The following TTC28 variants were observed in gnomAD, a reference collection of about 807,000 sequenced individuals.
TTC28 encodes the protein tetratricopeptide repeat protein 28.
In TTC28, 61 loss-of-function variants were observed where a neutral mutation model predicts 198.0. The observed-to-expected ratio is 0.31, with a 90% CI of 0.25 to 0.38. TTC28 has a LOEUF of 0.38. Ranked by LOEUF, TTC28 falls within the 10% of genes least tolerant of loss-of-function variation. TTC28 has a pLI of 1.00. For missense variants in TTC28, 2,678 were observed against 3,164.0 expected (o/e 0.85, Z 3.69); for synonymous variants, 1,171 against 1,297.8 (o/e 0.90, Z 2.10).
chr22:28,651,318 T>C (rs1257084840), intron 1 of TTC28, among the ~76,000 whole-genome samples: 1 of 150,204 alleles, frequency 6.7e-6, no homozygotes, highest in Admixed American at 6.6e-5. Flanking sequence ...CTCCTTTTTT[T>C]TGAGACAGGG....
chr22:28,250,317 TTGTTA>T (rs768527655), intron 5 of TTC28, among the ~76,000 whole-genome samples: 20 of 152,344 alleles, frequency 1.3e-4, no homozygotes, highest in Middle Eastern at 3.4e-3. Context: ...ATTTATCCAT[TTGTTA>T]TATTTCAAAA....
intron 2 of TTC28, among the ~76,000 whole-genome samples, chr22:28,537,306 A>ATAACATAACATAAC (rs1373694815): frequency 1.7e-5 from 2 of 121,044 alleles, no homozygotes; most frequent in Non-Finnish European, 3.9e-5. Context: ...AATAAAATAA[A>ATAACATAACATAAC]ATAAAATAAA....
At chr22:28,162,830 G>A (rs530097432) in intron 6 of TTC28, among the ~76,000 whole-genome samples, 9 of 152,230 alleles carry the variant, frequency 5.9e-5, no homozygotes, top group East Asian at 1.9e-4. Flanking sequence ...TGTGCCTGTC[G>A]TCCCAGCTAC....
intron 3 of TTC28, among the ~76,000 whole-genome samples, chr22:28,298,080 C>G (rs145659662): frequency 6.6e-6 from 1 of 152,120 alleles, no homozygotes; most frequent in African/African-American, 2.4e-5. Context: ...TATGTCTTAT[C>G]CTTTCTTTTG....
At chr22:28,327,273 A>T (rs1028817445) in intron 2 of TTC28, among the ~76,000 whole-genome samples, 1 of 152,156 alleles carries the variant, frequency 6.6e-6, no homozygotes, top group Admixed American at 6.6e-5. Context: ...ATGTATTTGT[A>T]ACCCCAATTC....
chr22:27,992,644 G>A lies in TTC28; in HGVS notation c.5496C>T (p.Leu1832=). 6.4e-7 allele frequency: 1 copy of A among 1,551,698 alleles called. No individual in the cohort carries two copies. The highest frequency in any genetic ancestry group is 8.7e-7 in the Non-Finnish European group (1 of 1,146,992). The change falls in exon 19 of 23, where the codon CTC becomes CTT. Residue 1832 remains leucine (L), a synonymous_variant. Transcript: ENST00000397906. Reference sequence around the variant, plus strand: ...CAGTGATGAGTTTGCAAAGGGCTTGGAGGGCAGGATTGGGCAGACCTAAAC... The same window carrying A: ...CAGTGATGAGTTTGCAAAGGGCTTGAAGGGCAGGATTGGGCAGACCTAAAC... ...QSLLGLPNPA[L]QALCKLITAS...
chr22:28,446,010 A>G (rs1601408175), intron 2 of TTC28, among the ~76,000 whole-genome samples: 1 of 152,224 alleles, frequency 6.6e-6, no homozygotes, highest in African/African-American at 2.4e-5. Flanking sequence ...CAATCAATCA[A>G]TATTTGTTGA....
chr22:28,153,775 T>C (rs1320347192), intron 6 of TTC28, among the ~76,000 whole-genome samples: 1 of 152,228 alleles, frequency 6.6e-6, no homozygotes, highest in Non-Finnish European at 1.5e-5. Context: ...AGTTACTTTC[T>C]AGATATAAAA....
intron 12 of TTC28, among the ~76,000 whole-genome samples, chr22:28,067,378 G>T (rs550715229): frequency 2.3e-4 from 35 of 152,276 alleles, no homozygotes; most frequent in African/African-American, 7.9e-4. Flanking sequence ...CTGAATGAAT[G>T]AATATTTCAA....
chr22:28,561,446 CTTTATAT>C (rs2049878984), intron 2 of TTC28, among the ~76,000 whole-genome samples: 1 of 152,102 alleles, frequency 6.6e-6, no homozygotes, highest in Admixed American at 6.5e-5. Context: ...TGAAAATATA[CTTTATAT>C]TTATTTGTCT....
chr22:28,252,186 C>T (rs1930560963), intron 5 of TTC28, among the ~76,000 whole-genome samples: 1 of 152,178 alleles, frequency 6.6e-6, no homozygotes, highest in South Asian at 2.1e-4. Context: ...TCAACAGCTC[C>T]TTTCCTATTA....
intron 2 of TTC28, among the ~76,000 whole-genome samples, chr22:28,593,717 A>G (rs1306190380): frequency 1.3e-5 from 2 of 152,218 alleles, no homozygotes; most frequent in Non-Finnish European, 2.9e-5. Flanking sequence ...ATTTTATTGT[A>G]TAAGTATGTA....
chr22:28,486,520 A>G (rs2048317097), intron 2 of TTC28, among the ~76,000 whole-genome samples: 1 of 152,170 alleles, frequency 6.6e-6, no homozygotes, highest in Admixed American at 6.6e-5. Context: ...TAAAATCTTA[A>G]GAGAATTATA....
intron 2 of TTC28, among the ~76,000 whole-genome samples, chr22:28,606,648 A>G (rs1033189202): frequency 2.0e-5 from 3 of 152,172 alleles, no homozygotes; most frequent in African/African-American, 7.2e-5. Context: ...GTAATTTTAA[A>G]AATTTATATG....
intron 2 of TTC28, among the ~76,000 whole-genome samples, chr22:28,565,225 C>T (rs997308507): frequency 7.3e-5 from 11 of 151,634 alleles, no homozygotes; most frequent in African/African-American, 2.4e-4. Flanking sequence ...CTCCCTATGT[C>T]CCCAGAAAAA....
intron 6 of TTC28, among the ~76,000 whole-genome samples, chr22:28,123,297 C>T (rs1237514275): frequency 6.6e-6 from 1 of 152,012 alleles, no homozygotes; most frequent in African/African-American, 2.4e-5. Flanking sequence ...ACTCTCGTGC[C>T]CAGGCTGGAG....
chr22:28,333,336 C>T (rs187964358), intron 2 of TTC28, among the ~76,000 whole-genome samples: 5 of 152,194 alleles, frequency 3.3e-5, no homozygotes, highest in Admixed American at 6.6e-5. Flanking sequence ...ATGAGGGCCT[C>T]TTAATTTCAA....
intron 6 of TTC28, among the ~76,000 whole-genome samples, chr22:28,157,771 A>C (rs1943782146): frequency 6.6e-6 from 1 of 152,194 alleles, no homozygotes; most frequent in Admixed American, 6.5e-5. Flanking sequence ...ACCTCAACAT[A>C]ATAAAAGCCA....
At position 28,107,452 on chromosome 22, in the gene TTC28, C is replaced by T. The variant is rs1300570898; in HGVS notation, c.2393G>A (p.Gly798Glu). ...GGCCATGTAGACAGCAGCCAGGTGC[C>T]CATGAGCTCTGCACTCCCCTGGCAA... ...SDLPGECRAH[G>E]HLAAVYMALG... The change falls in exon 7 of 23, where the codon GGG (glycine) becomes GAG (glutamate). Residue 798 changes from glycine (G) to glutamate (E), a missense_variant. By Grantham distance (98) the Gly-to-Glu change is moderately conservative (BLOSUM62 -2). Around this residue, in one of 8 missense-constraint regions of TTC28, gnomAD observed 775 missense variants for 845.9 expected, o/e 0.92. Coordinates refer to ENST00000397906, the MANE Select transcript of TTC28 (RefSeq NM_001145418.2). The T allele has an allele frequency of 2.6e-6, 4 of 1,551,590 alleles. No individual in the cohort carries two copies. The Admixed American group carries it at 5.9e-5, about 23-fold the overall frequency.
Sources: allele counts gnomAD v4.1 joint callset (sites outside exome capture counted in the v4.1 genomes callset), GRCh38; gene constraint gnomAD v4.1.1; regional missense constraint gnomAD v4.1.1; transcripts MANE v1.5; gene names NCBI Gene and HGNC (gene_info 2026-07-23, HGNC 2026-07-21).